Variants in PIK3R3 observed in about 807,000 individuals in gnomAD.
PIK3R3 encodes phosphoinositide-3-kinase regulatory subunit 3.
PIK3R3 carries 64 observed loss-of-function variants against 62.9 expected under a neutral mutation model. The ratio of observed to expected loss-of-function variants is 1.02; its 90% CI spans 0.83 to 1.25. The LOEUF is 1.25. PIK3R3 is among the 50% of genes most tolerant of loss of function. PIK3R3 has a pLI of 0.00. For missense variants in PIK3R3, 614 were observed against 561.6 expected, an observed-to-expected ratio of 1.09 and a Z score of -0.94; for synonymous variants, 165 against 189.0, an observed-to-expected ratio of 0.87 and a Z score of 1.04.
chr1:46,086,891 T>A lies in PIK3R3; in HGVS notation c.107-6141A>T, dbSNP rs116148163. On this transcript the variant is annotated intron_variant, in intron 1 of 9. Transcript: ENST00000262741. ...CAAGCAACCAGGCAACTACCCATCCTCCACCCTAGATAAAGGCTGCCTGTC... is the reference window on the plus strand; with the variant it reads ...CAAGCAACCAGGCAACTACCCATCCACCACCCTAGATAAAGGCTGCCTGTC... Among the ~76,000 whole-genome samples, 1,040 of 152,174 alleles carry A rather than the reference T, an allele frequency of 6.8e-3. 11 individuals carry two copies. Among genetic ancestry groups the A allele is most frequent in the African/African-American group, 0.024 (1,003 of 41,502 alleles).
intron 1 of PIK3R3, among the ~76,000 whole-genome samples, chr1:46,124,664 C>T (rs551597405): frequency 6.6e-6 from 1 of 151,922 alleles, no homozygotes; most frequent in East Asian, 1.9e-4. Context: ...GGCGTGGTGG[C>T]ACATGCCTGT....
intron 1 of PIK3R3, among the ~76,000 whole-genome samples, chr1:46,106,581 T>C (rs1223397105): frequency 1.3e-5 from 2 of 152,198 alleles, no homozygotes; most frequent in Admixed American, 6.5e-5. Flanking sequence ...TAACTTTAGA[T>C]AATGGATGGA....
intron 1 of PIK3R3, among the ~76,000 whole-genome samples, chr1:46,110,974 A>G (rs374180820): frequency 7.2e-5 from 11 of 152,070 alleles, no homozygotes; most frequent in Admixed American, 2.0e-4. Context: ...CCAAGATTTT[A>G]CCCATCCTGA....
At chr1:46,143,921 C>G in the PIK3R3 span, among the ~76,000 whole-genome samples, 2 of 152,274 alleles carry the variant, frequency 1.3e-5, no homozygotes, top group East Asian at 3.9e-4. Context: ...ACCAACCTCC[C>G]TTCATCCCCC....
At chr1:46,152,562 T>C in the PIK3R3 span, among the ~76,000 whole-genome samples, 7 of 143,284 alleles carry the variant, frequency 4.9e-5, no homozygotes, top group Non-Finnish European at 9.2e-5. Flanking sequence ...ATTAACATCT[T>C]TTTTTTTTTT....
At chr1:46,095,073 G>A (rs150506539) in intron 1 of PIK3R3, among the ~76,000 whole-genome samples, 22 of 152,154 alleles carry the variant, frequency 1.4e-4, no homozygotes, top group African/African-American at 5.3e-4. Flanking sequence ...AGAGTGTGGC[G>A]ATTCCTCAAA....
the PIK3R3 span, among the ~76,000 whole-genome samples, chr1:46,157,864 A>T: frequency 6.6e-6 from 1 of 152,340 alleles, no homozygotes; most frequent in Non-Finnish European, 1.5e-5. Context: ...GTATTTCATA[A>T]TACCTTTATG....
chr1:46,116,151 G>C (rs894726615), intron 1 of PIK3R3, among the ~76,000 whole-genome samples: 1 of 152,092 alleles, frequency 6.6e-6, no homozygotes, highest in Admixed American at 6.6e-5. Context: ...TTGAATATTA[G>C]GCTGGTTCTT....
chr1:46,065,274 T>C (rs1421716890), intron 5 of PIK3R3, among the ~76,000 whole-genome samples: 1 of 152,134 alleles, frequency 6.6e-6, no homozygotes, highest in Non-Finnish European at 1.5e-5. Context: ...AAAAACAATC[T>C]AAAAAGTAGT....
At chr1:46,095,406 C>T (rs1296282715) in intron 1 of PIK3R3, among the ~76,000 whole-genome samples, 1 of 152,114 alleles carries the variant, frequency 6.6e-6, no homozygotes, top group Non-Finnish European at 1.5e-5. Flanking sequence ...ATCGCAGGAA[C>T]AGAAAACCAA....
At chr1:46,047,867 A>G (rs1647159013) in intron 7 of PIK3R3, among the ~76,000 whole-genome samples, 1 of 152,112 alleles carries the variant, frequency 6.6e-6, no homozygotes, top group Admixed American at 6.6e-5. Context: ...TGCAACCTCC[A>G]TCTCCAGGGT....
the PIK3R3 span, among the ~76,000 whole-genome samples, chr1:46,153,930 G>A: frequency 6.6e-6 from 1 of 152,332 alleles, no homozygotes; most frequent in East Asian, 1.9e-4. Flanking sequence ...TTTTCCTGGA[G>A]AGGATAGGAA....
intron 3 of PIK3R3, among the ~76,000 whole-genome samples, chr1:46,074,222 G>A (rs558206845): frequency 1.5e-4 from 22 of 144,196 alleles, no homozygotes; most frequent in Admixed American, 4.2e-4. Context: ...CCTGGGAGGC[G>A]GAGCTTGCAG....
the PIK3R3 span, among the ~76,000 whole-genome samples, chr1:46,170,710 C>T: frequency 7.2e-5 from 11 of 152,232 alleles, no homozygotes; most frequent in Non-Finnish European, 1.0e-4. Flanking sequence ...CGCGAGCCAC[C>T]GCGCCTGGCC....
rs889125672 is a variant in PIK3R3 at position 46,041,866 on chromosome 1, T to C, written c.*1807A>G. The C allele has an allele frequency of 4.7e-6, 1 of 213,714 alleles. No individual in the cohort carries two copies. The highest frequency in any genetic ancestry group is 9.5e-6 in the Non-Finnish European group (1 of 105,704). The allele number at this position is 213,714 out of a possible 1,614,324, so 13.2% of individuals were successfully genotyped here. On this transcript the variant is annotated 3_prime_UTR_variant, in exon 10 of 10. Coordinates refer to ENST00000262741, the MANE Select transcript of PIK3R3 (RefSeq NM_003629.4). ...GCACTTCCCTTTCTATCCTCGTCAC[T>C]AGTAACTGGAGGTTTTTCCAAAATT...
chr1:46,142,749 C>T, the PIK3R3 span, among the ~76,000 whole-genome samples: 1 of 151,760 alleles, frequency 6.6e-6, no homozygotes, highest in Non-Finnish European at 1.5e-5. Context: ...GCAGGCTGGC[C>T]TAATGTTAAA....
chr1:46,043,655 T>C lies in PIK3R3; in HGVS notation c.*18A>G, dbSNP rs1647035265. ...TAGAAAAAAATGCCAGAGAACCACC[T>C]CTCTTCCCACTTCCTCTTTATCTGC... On this transcript the variant is annotated 3_prime_UTR_variant, in exon 10 of 10. Transcript: ENST00000262741. The C allele has an allele frequency of 6.2e-7, 1 of 1,611,342 alleles. No individual in the cohort carries two copies. The highest frequency in any genetic ancestry group is 8.5e-7 in the Non-Finnish European group (1 of 1,177,600).
At chr1:46,052,082 G>C (rs1032400999) in intron 7 of PIK3R3, among the ~76,000 whole-genome samples, 1 of 152,066 alleles carries the variant, frequency 6.6e-6, no homozygotes. Context: ...AGCTTGCAGT[G>C]AGCTGAGATC....
At chr1:46,080,933 G>A (rs369052117) in intron 1 of PIK3R3, among the ~76,000 whole-genome samples, 183 bp from the exon 2 acceptor site, 5 of 152,136 alleles carry the variant, frequency 3.3e-5, no homozygotes, top group East Asian at 1.9e-4. Flanking sequence ...AAGTGAAAAC[G>A]TCAAGATATT....
Sources: gnomAD v4.1 joint callset for allele counts (sites outside exome capture counted in the v4.1 genomes callset) on GRCh38, gnomAD v4.1.1 for gene constraint, MANE v1.5 for transcripts, NCBI Gene and HGNC (gene_info 2026-07-23, HGNC 2026-07-21) for gene names.